Variants in PPFIA1 observed in about 807,000 individuals in gnomAD.
The protein encoded by PPFIA1 is PPFI scaffold protein A1.
A neutral mutation model predicts 149.9 loss-of-function variants in PPFIA1; 25 were observed. That is an observed-to-expected ratio of 0.17 (90% confidence interval 0.12 to 0.23). PPFIA1 has a LOEUF of 0.23. Ranked by LOEUF, PPFIA1 falls within the 10% of genes least tolerant of loss-of-function variation. The pLI is 1.00. For missense variants in PPFIA1, 1,362 were observed against 1,506.5 expected (o/e 0.90, Z 1.59); for synonymous variants, 549 against 552.8 (o/e 0.99, Z 0.10).
At chr11:70,319,348 CCTT>C (rs1301339217) in intron 2 of PPFIA1, among the ~76,000 whole-genome samples, 2 of 152,250 alleles carry the variant, frequency 1.3e-5, no homozygotes, top group African/African-American at 2.4e-5. Context: ...TCTGGCCTCA[CCTT>C]CTCACAGGCT....
Position 70,326,245 on chromosome 11 carries a change from C to T in PPFIA1, c.607-17C>T. The T allele has an allele frequency of 6.9e-7, 1 of 1,448,012 alleles. No individual in the cohort carries two copies. Among genetic ancestry groups the T allele is most frequent in the Non-Finnish European group, 9.5e-7 (1 of 1,048,090 alleles). 89.7% of individuals were successfully genotyped at this position (1,448,012 alleles called of 1,614,324 possible). A position where few individuals can be genotyped will look rare whatever the true frequency, so the allele number is the denominator to read the frequency against. ...ATGTAAGGTATTTTACACTCATATT[C>T]AATTTTTTGCTTTCAGCTAATGATT... is the stretch of plus-strand genomic sequence containing the variant. On this transcript the variant is annotated splice_polypyrimidine_tract_variant and intron_variant, in intron 5 of 27. Coordinates refer to ENST00000253925, the MANE Select transcript of PPFIA1 (RefSeq NM_003626.5).
intron 2 of PPFIA1, among the ~76,000 whole-genome samples, chr11:70,279,905 A>ATG (rs759392357): frequency 2.1e-5 from 3 of 144,862 alleles, no homozygotes; most frequent in South Asian, 2.2e-4. Context: ...TGTGTGGGGG[A>ATG]TGTGTGTGTG....
At chr11:70,324,552 G>C (rs749145415) in intron 3 of PPFIA1, 49 bp downstream of exon 3, 1 of 1,454,378 alleles carries the variant, frequency 6.9e-7, no homozygotes, top group Admixed American at 1.8e-5. Flanking sequence ...CCACTGTCAG[G>C]AGGAGGGGCG....
At chr11:70,330,007 A>C (rs1369166255) in intron 7 of PPFIA1, 166 bp from the exon 8 acceptor site, 9 of 571,318 alleles carry the variant, frequency 1.6e-5, no homozygotes, top group Non-Finnish European at 2.4e-5. Context: ...TTAGCCTCCC[A>C]AAGTGCTGTG....
At chr11:70,287,889 C>G (rs1289963340) in intron 2 of PPFIA1, among the ~76,000 whole-genome samples, 6 of 151,892 alleles carry the variant, frequency 4.0e-5, no homozygotes, top group Admixed American at 2.0e-4. Flanking sequence ...TCAAGTGATC[C>G]TCCTACTTGG....
At chr11:70,274,614 C>T (rs902973544) in intron 2 of PPFIA1, among the ~76,000 whole-genome samples, 59 of 152,180 alleles carry the variant, frequency 3.9e-4, no homozygotes, top group Non-Finnish European at 8.1e-4. Flanking sequence ...ATCCCGTGCA[C>T]GAACAGACAG....
chr11:70,292,567 C>T (rs1332680303), intron 2 of PPFIA1, among the ~76,000 whole-genome samples: 1 of 152,174 alleles, frequency 6.6e-6, no homozygotes, highest in East Asian at 1.9e-4. Flanking sequence ...TTCGTATTGT[C>T]TACTGTGTGT....
intron 5 of PPFIA1, 130 bp downstream of exon 5, chr11:70,325,704 G>T: frequency 1.6e-6 from 1 of 644,086 alleles, no homozygotes; most frequent in African/African-American, 1.9e-5. Context: ...GACCGAGGCG[G>T]GCGGATCACC....
intron 11 of PPFIA1, 75 bp from the exon 12 acceptor site, chr11:70,337,290 T>A (rs879561882): frequency 7.1e-5 from 71 of 1,000,690 alleles, no homozygotes; most frequent in Non-Finnish European, 8.7e-5. Context: ...TTTTTTTTTT[T>A]AAACGAATAC....
intron 2 of PPFIA1, among the ~76,000 whole-genome samples, chr11:70,277,060 A>ATATATATAT: frequency 4.5e-5 from 3 of 66,310 alleles, no homozygotes; most frequent in Admixed American, 4.1e-4. Context: ...ATATATATAT[A>ATATATATAT]TTTTTTTTTT....
Position 70,379,620 on chromosome 11 carries a change from A to AT in PPFIA1, c.3550+1425_3550+1426insT, listed in dbSNP as rs1301105057. Among the ~76,000 whole-genome samples, 356 of 152,184 alleles carry AT rather than the reference A, an allele frequency of 2.3e-3. 1 individual carries two copies. Among genetic ancestry groups the AT allele is most frequent in the African/African-American group, 8.0e-3 (333 of 41,502 alleles). On this transcript the variant is annotated intron_variant, in intron 26 of 27. Transcript: ENST00000253925. ...AGTGAGACCCCATCTCTAAAAAAAA[A>AT]AAAATAATAATTGAAAACTGTGCGA...
At position 70,330,295 on chromosome 11, in the gene PPFIA1, A is replaced by T. The variant is rs758930675; in HGVS notation, c.1053A>T (p.Ala351=). Residue 351 remains alanine (A), a synonymous_variant, in exon 8 of 28, where the codon GCA becomes GCT. Transcript: ENST00000253925. ...DLNDKLENEI[A]NKDSMHRQTE... Reference sequence around the variant, plus strand: ...ATGATAAACTTGAAAATGAAATTGCAAATAAAGATTCTATGCATCGACAGG... The same window carrying T: ...ATGATAAACTTGAAAATGAAATTGCTAATAAAGATTCTATGCATCGACAGG... 1 of 1,586,182 alleles carries T rather than the reference A, an allele frequency of 6.3e-7. No homozygotes were observed.
chr11:70,272,026 T>G, intron 1 of PPFIA1, 147 bp from the exon 2 acceptor site: 1 of 917,286 alleles, frequency 1.1e-6, no homozygotes, highest in Non-Finnish European at 1.7e-6. Flanking sequence ...TGTGTATGTT[T>G]TCCCAGCTTA....
intron 19 of PPFIA1, among the ~76,000 whole-genome samples, chr11:70,356,944 G>C (rs1388623912): frequency 1.3e-5 from 2 of 152,202 alleles, no homozygotes; most frequent in Admixed American, 6.5e-5. Flanking sequence ...TTGAACAAAG[G>C]AGAACAGGCA....
At chr11:70,361,341 A>G (rs1356135098) in intron 19 of PPFIA1, among the ~76,000 whole-genome samples, 2 of 152,184 alleles carry the variant, frequency 1.3e-5, no homozygotes, top group East Asian at 3.8e-4. Context: ...ACGTAGGCAT[A>G]ATCTCCTGTA....
At chr11:70,367,538 TG>T in intron 21 of PPFIA1, 1 of 456,154 alleles carries the variant, frequency 2.2e-6, no homozygotes, top group Non-Finnish European at 4.4e-6. Flanking sequence ...CACTGTGCAG[TG>T]GGTGTCTCTT....
At chr11:70,306,682 T>C (rs2052876141) in intron 2 of PPFIA1, among the ~76,000 whole-genome samples, 1 of 152,148 alleles carries the variant, frequency 6.6e-6, no homozygotes, top group Non-Finnish European at 1.5e-5. Flanking sequence ...AAGAAGAATA[T>C]AGCAACACAA....
At chr11:70,356,394 C>T (rs1175465970) in intron 19 of PPFIA1, 140 bp downstream of exon 19, 1 of 671,646 alleles carries the variant, frequency 1.5e-6, no homozygotes, top group South Asian at 2.0e-5. Context: ...CTTAATTAAG[C>T]CGTACTTTCT....
intron 2 of PPFIA1, among the ~76,000 whole-genome samples, chr11:70,275,523 T>G (rs980270330): frequency 6.6e-6 from 1 of 152,242 alleles, no homozygotes; most frequent in Non-Finnish European, 1.5e-5. Context: ...TCATGAGATA[T>G]TCTACATTGT....
Sources: gnomAD v4.1 joint callset for allele counts (sites outside exome capture counted in the v4.1 genomes callset) on GRCh38, gnomAD v4.1.1 for gene constraint, MANE v1.5 for transcripts, NCBI Gene and HGNC (gene_info 2026-07-23, HGNC 2026-07-21) for gene names.